The following TNKS variants were observed in gnomAD, a reference collection of about 807,000 sequenced individuals.
TNKS encodes the protein tankyrase.
A neutral mutation model predicts 135.8 loss-of-function variants in TNKS; 72 were observed. The ratio of observed to expected loss-of-function variants is 0.53; its 90% CI spans 0.44 to 0.64. The LOEUF (loss-of-function observed/expected upper bound fraction) is 0.64, where lower values mean the gene tolerates loss of function less well. TNKS is among the 30% of genes least tolerant of loss of function. The pLI is 0.00. For missense variants in TNKS, 1,769 were observed against 1,674.0 expected (o/e 1.06, Z -0.99); for synonymous variants, 849 against 649.3 (o/e 1.31, Z -4.68).
intron 1 of TNKS, among the ~76,000 whole-genome samples, chr8:9,578,739 A>T (rs1798051569): frequency 6.6e-6 from 1 of 152,162 alleles, no homozygotes. Flanking sequence ...ATTTTTATTT[A>T]AGATGCCATT....
chr8:9,708,388 TC>T lies in TNKS; in HGVS notation c.1475del (p.Ser492PhefsTer11). The T allele has an allele frequency of 6.2e-7, 1 of 1,605,860 alleles. No homozygotes were observed. The highest frequency in any genetic ancestry group is 8.5e-7 in the Non-Finnish European group (1 of 1,176,076). ...ERLTYEFKGH[S>X]LLQAAREADL... ...ATTGACAGATGAATTTAAAGGTCAT[TC>T]TTTACTACAAGCAGCCAGAGAAGCA... On this transcript the variant is annotated frameshift_variant, in exon 9 of 27. Transcript: ENST00000310430. LOFTEE classifies it high-confidence loss of function.
intron 12 of TNKS, among the ~76,000 whole-genome samples, chr8:9,724,190 C>G (rs953486526): frequency 3.3e-5 from 5 of 152,138 alleles, no homozygotes; most frequent in African/African-American, 9.7e-5. Flanking sequence ...TTGCTCACGC[C>G]TATAATCCCT....
rs1201269080 is a variant in TNKS at position 9,615,609 on chromosome 8, A to G, written c.926A>G (p.Asn309Ser). ...IVLLQHGADP[N>S]IRNTDGKSAL... ...CTGCTGCAGCACGGAGCTGACCCAAACATTCGGAACACTGATGGGAAATCA... is the reference window on the plus strand; with the variant it reads ...CTGCTGCAGCACGGAGCTGACCCAAGCATTCGGAACACTGATGGGAAATCA... The change falls in exon 3 of 27, where the codon AAC (asparagine) becomes AGC (serine). Residue 309 changes from asparagine (N) to serine (S), a missense_variant. Physicochemically the swap from Asn to Ser is conservative, Grantham distance 46. Around this residue, in one of 5 missense-constraint regions of TNKS, gnomAD observed 523 missense variants for 541.0 expected, o/e 0.97. Coordinates refer to ENST00000310430, the MANE Select transcript of TNKS (RefSeq NM_003747.3). 4 of 1,613,516 alleles carry G rather than the reference A, an allele frequency of 2.5e-6. No individual in the cohort carries two copies. The African/African-American group carries it at 4.0e-5, about 16-fold the overall frequency.
At chr8:9,643,742 C>G (rs1800807731) in intron 3 of TNKS, among the ~76,000 whole-genome samples, 1 of 152,058 alleles carries the variant, frequency 6.6e-6, no homozygotes, top group Non-Finnish European at 1.5e-5. Flanking sequence ...AATAGAATTC[C>G]CATATGACCC....
intron 2 of TNKS, among the ~76,000 whole-genome samples, chr8:9,587,189 C>A (rs1025889423): frequency 6.6e-6 from 1 of 151,526 alleles, no homozygotes; most frequent in Non-Finnish European, 1.5e-5. Context: ...AAAGTAATCA[C>A]CAGATTCCTT....
chr8:9,749,731 C>T (rs998721627), intron 18 of TNKS, among the ~76,000 whole-genome samples: 3 of 152,134 alleles, frequency 2.0e-5, no homozygotes, highest in African/African-American at 7.2e-5. Context: ...CAGCCTCCTT[C>T]CTCAGCCTCC....
At chr8:9,724,260 G>A (rs1346910636) in intron 12 of TNKS, among the ~76,000 whole-genome samples, 4 of 151,984 alleles carry the variant, frequency 2.6e-5, no homozygotes, top group African/African-American at 9.7e-5. Flanking sequence ...GCCCAGCTTG[G>A]GCAACATGGC....
At chr8:9,765,252 T>C (rs1395728313) in intron 23 of TNKS, among the ~76,000 whole-genome samples, 1 of 152,182 alleles carries the variant, frequency 6.6e-6, no homozygotes, top group Admixed American at 6.5e-5. Context: ...AGGGGTATCA[T>C]AAAGATGAAT....
In TNKS at chr8:9,609,088, C is replaced by CT. The variant is rs573318168; in HGVS notation, c.899-6488dup. ...GCCCTATTATTTTTTATAGTTTCAT[C>CT]TTTTTTAGATCTTTCAGCTTGTATT... On this transcript the variant is annotated intron_variant, in intron 2 of 26. Transcript: ENST00000310430. Among the ~76,000 whole-genome samples, 35 of 152,068 alleles carry CT rather than the reference C, an allele frequency of 2.3e-4. 1 individual carries two copies. In the East Asian group the frequency reaches 6.6e-3, roughly 29 times the overall value.
chr8:9,614,782 C>CGT (rs1402926072), intron 2 of TNKS, among the ~76,000 whole-genome samples: 1 of 152,170 alleles, frequency 6.6e-6, no homozygotes, highest in Non-Finnish European at 1.5e-5. Context: ...ACCCTCCCTA[C>CGT]GTATACACAC....
intron 1 of TNKS, among the ~76,000 whole-genome samples, chr8:9,567,192 G>C (rs1456478149): frequency 6.6e-6 from 1 of 152,226 alleles, no homozygotes; most frequent in African/African-American, 2.4e-5. Flanking sequence ...GGAGCTACTA[G>C]TGATTTTGAC....
intron 11 of TNKS, among the ~76,000 whole-genome samples, chr8:9,715,489 T>G (rs1414801811): frequency 6.6e-6 from 1 of 152,044 alleles, no homozygotes; most frequent in African/African-American, 2.4e-5. Flanking sequence ...AAAGGATGTA[T>G]CTAATGTTAC....
intron 3 of TNKS, among the ~76,000 whole-genome samples, chr8:9,628,457 A>G (rs543423953): frequency 1.3e-5 from 2 of 151,796 alleles, no homozygotes; most frequent in African/African-American, 4.8e-5. Flanking sequence ...AACAAAATTT[A>G]TTACAACTTC....
intron 1 of TNKS, among the ~76,000 whole-genome samples, chr8:9,572,319 T>G (rs1797784230): frequency 6.6e-6 from 1 of 152,250 alleles, no homozygotes; most frequent in Admixed American, 6.5e-5. Flanking sequence ...TTTAGCTGAT[T>G]TGTTTTCTTT....
At chr8:9,644,071 A>G (rs1031633082) in intron 3 of TNKS, among the ~76,000 whole-genome samples, 2 of 152,208 alleles carry the variant, frequency 1.3e-5, no homozygotes, top group Admixed American at 6.5e-5. Context: ...AGAATAGCCA[A>G]ACTCAGAGAC....
intron 1 of TNKS, among the ~76,000 whole-genome samples, chr8:9,579,756 C>G (rs149433358): frequency 8.5e-5 from 13 of 152,264 alleles, no homozygotes; most frequent in Non-Finnish European, 1.6e-4. Flanking sequence ...TGAGCCACTG[C>G]GCCCGGCTTA....
chr8:9,764,335 A>C (rs1010301939), intron 22 of TNKS, among the ~76,000 whole-genome samples: 11 of 152,098 alleles, frequency 7.2e-5, no homozygotes, highest in Non-Finnish European at 1.2e-4. Flanking sequence ...TACAGAACAA[A>C]TATTTTTTAA....
chr8:9,748,012 CT>C lies in TNKS; in HGVS notation c.2644-4del, dbSNP rs754798504. 3.8e-5 allele frequency: 61 copies of C among 1,593,618 alleles called. 1 individual carries two copies. The Middle Eastern group carries it at 5.0e-4, about 13-fold the overall frequency. The stretch of plus-strand genomic sequence containing the variant: ...CATTCTTAACTCTTTGTATCCTTTT[CT>C]TTTTTTTCAGCATGTTGACATAGCG... On this transcript the variant is annotated splice_polypyrimidine_tract_variant and intron_variant, in intron 17 of 26. Transcript: ENST00000310430.
chr8:9,776,731 A>G lies in TNKS; in HGVS notation c.3979A>G (p.Thr1327Ala). The G allele has an allele frequency of 6.2e-7, 1 of 1,613,928 alleles. No individual in the cohort carries two copies. Among genetic ancestry groups the G allele is most frequent in the Non-Finnish European group, 8.5e-7 (1 of 1,179,870 alleles). Residue 1327 changes from threonine (T) to alanine (A), a missense_variant, in exon 27 of 27, where the codon ACC becomes GCC. This residue lies in a region of TNKS where 722 missense variants were observed against 688.9 expected (regional missense o/e 1.05). Coordinates refer to ENST00000310430, the MANE Select transcript of TNKS (RefSeq NM_003747.3). Reference sequence around the variant, plus strand: ...GACCGCAACAGCCGCAGAGCAGAAGACCTAGTGAATGCCTGCTGGTGAAGG... The same window carrying G: ...GACCGCAACAGCCGCAGAGCAGAAGGCCTAGTGAATGCCTGCTGGTGAAGG... Reference protein sequence around the residue: ...SQTATAAEQKT With the variant: ...SQTATAAEQKA
Sources: allele counts gnomAD v4.1 joint callset (sites outside exome capture counted in the v4.1 genomes callset), GRCh38; gene constraint gnomAD v4.1.1; regional missense constraint gnomAD v4.1.1; transcripts MANE v1.5; gene names NCBI Gene and HGNC (gene_info 2026-07-23, HGNC 2026-07-21).